The following RIMS2 variants were observed in gnomAD, a reference collection of about 807,000 sequenced individuals.
RIMS2 encodes regulating synaptic membrane exocytosis protein 2.
Under a neutral mutation model 174.4 loss-of-function variants are expected in RIMS2, and 59 were observed. That is an observed-to-expected ratio of 0.34 (90% CI 0.27 to 0.42). The LOEUF is 0.42. Ranked by LOEUF, RIMS2 falls within the 10% of genes least tolerant of loss-of-function variation. The pLI is 1.00. For missense variants in RIMS2, 1,620 were observed against 1,666.3 expected (o/e 0.97, Z 0.48); for synonymous variants, 606 against 572.5 (o/e 1.06, Z -0.84).
intron 3 of RIMS2, among the ~76,000 whole-genome samples, chr8:103,812,295 G>A (rs1039715655): frequency 3.5e-5 from 5 of 142,812 alleles, no homozygotes; most frequent in Admixed American, 2.2e-4. Flanking sequence ...TTCATCCTAA[G>A]TTGAAGCATA....
Position 103,656,957 on chromosome 8 carries a change from A to T in RIMS2, c.177-40129A>T, listed in dbSNP as rs145514621. Among the ~76,000 whole-genome samples, 27 of 152,254 alleles carry T rather than the reference A, an allele frequency of 1.8e-4. No individual in the cohort carries two copies. In the East Asian group the frequency reaches 2.5e-3, roughly 14 times the overall value. ...GTGAAGATCAGAGAAAAGTCCCCTCATGCCTCCAGCTGGGGGAGGGGAAAG... is the reference window on the plus strand; with the variant it reads ...GTGAAGATCAGAGAAAAGTCCCCTCTTGCCTCCAGCTGGGGGAGGGGAAAG... On this transcript the variant is annotated intron_variant, in intron 1 of 23. Coordinates refer to ENST00000504942, the Ensembl canonical transcript of RIMS2.
intron 1 of RIMS2, among the ~76,000 whole-genome samples, chr8:103,560,096 G>T (rs551955102): frequency 6.6e-6 from 1 of 152,184 alleles, no homozygotes; most frequent in South Asian, 2.1e-4. Flanking sequence ...TATCTTCCAA[G>T]TGTTTACGGT....
chr8:103,519,388 G>T (rs1055437399), intron 1 of RIMS2, among the ~76,000 whole-genome samples: 1 of 152,010 alleles, frequency 6.6e-6, no homozygotes, highest in African/African-American at 2.4e-5. Context: ...TTTGCAGCAG[G>T]AATTTATATA....
intron 3 of RIMS2, among the ~76,000 whole-genome samples, chr8:103,877,717 CT>C (rs980146178): frequency 1.0e-4 from 15 of 148,688 alleles, no homozygotes; most frequent in East Asian, 2.0e-4. Context: ...TATTGAGGCT[CT>C]TTTTTTTTGT....
chr8:104,023,656 A>G (rs2096171151), intron 19 of RIMS2, among the ~76,000 whole-genome samples: 1 of 152,194 alleles, frequency 6.6e-6, no homozygotes, highest in East Asian at 1.9e-4. Flanking sequence ...ATGCTGTTAG[A>G]CATCCAAGTG....
At chr8:103,704,421 G>A (rs1344601269) in intron 2 of RIMS2, among the ~76,000 whole-genome samples, 5 of 151,710 alleles carry the variant, frequency 3.3e-5, no homozygotes, top group East Asian at 3.9e-4. Context: ...GCCTCTAGTC[G>A]TCATTGTTGT....
chr8:103,716,721 T>C (rs1285776048), intron 2 of RIMS2, among the ~76,000 whole-genome samples: 1 of 152,182 alleles, frequency 6.6e-6, no homozygotes, highest in Non-Finnish European at 1.5e-5. Context: ...TTAACTGTTA[T>C]AATATTGAAG....
chr8:103,514,038 G>C (rs1827830389), intron 1 of RIMS2, among the ~76,000 whole-genome samples: 1 of 61,134 alleles, frequency 1.6e-5, no homozygotes, highest in African/African-American at 7.9e-5. Flanking sequence ...CCTTTAACTG[G>C]ATTCCTTCTC....
At chr8:103,781,216 C>A (rs1393083424) in intron 3 of RIMS2, among the ~76,000 whole-genome samples, 1 of 152,134 alleles carries the variant, frequency 6.6e-6, no homozygotes, top group Non-Finnish European at 1.5e-5. Flanking sequence ...GGGAAGTATT[C>A]CACACACTTC....
intron 19 of RIMS2, among the ~76,000 whole-genome samples, chr8:104,181,081 AAC>A (rs1468451318): frequency 6.6e-6 from 1 of 151,720 alleles, no homozygotes; most frequent in African/African-American, 2.4e-5. Context: ...ATGTGAGTTA[AAC>A]AGTTTTAATC....
chr8:103,897,937 C>G (rs947225818), intron 4 of RIMS2, among the ~76,000 whole-genome samples: 5 of 151,642 alleles, frequency 3.3e-5, no homozygotes, highest in Non-Finnish European at 7.4e-5. Flanking sequence ...CTTCTGTATT[C>G]TTGGCAATTG....
At chr8:104,182,774 A>G (rs2098947513) in intron 19 of RIMS2, among the ~76,000 whole-genome samples, 1 of 151,670 alleles carries the variant, frequency 6.6e-6, no homozygotes, top group Non-Finnish European at 1.5e-5. Flanking sequence ...TTTAGACTCT[A>G]TCGGTTTTAT....
intron 19 of RIMS2, among the ~76,000 whole-genome samples, chr8:104,119,852 A>G (rs1038246584): frequency 1.3e-5 from 2 of 152,216 alleles, no homozygotes; most frequent in African/African-American, 2.4e-5. Flanking sequence ...AAAGGGACAC[A>G]TCTTGTTGCT....
At chr8:104,052,822 G>A (rs2096808675) in intron 19 of RIMS2, among the ~76,000 whole-genome samples, 3 of 152,002 alleles carry the variant, frequency 2.0e-5, no homozygotes, top group Admixed American at 2.0e-4. Flanking sequence ...GGACATTGAA[G>A]ATATGGAATT....
chr8:104,094,677 G>T (rs2097725454), intron 19 of RIMS2: 1 of 699,564 alleles, frequency 1.4e-6, no homozygotes, highest in East Asian at 2.7e-5. Flanking sequence ...GAAAGAAAAA[G>T]AACAGTGGAA....
chr8:103,924,667 T>C (rs1238478184), intron 10 of RIMS2, among the ~76,000 whole-genome samples: 2 of 151,664 alleles, frequency 1.3e-5, no homozygotes, highest in Non-Finnish European at 3.0e-5. Flanking sequence ...ATTTCTATAG[T>C]ATGTGAGCTG....
chr8:103,843,837 T>C (rs184582075), intron 3 of RIMS2, among the ~76,000 whole-genome samples: 1 of 152,310 alleles, frequency 6.6e-6, no homozygotes, highest in African/African-American at 2.4e-5. Flanking sequence ...TTAAAATAAC[T>C]TTTTTTGGCA....
At chr8:103,999,613 A>G (rs758725584) in intron 17 of RIMS2, among the ~76,000 whole-genome samples, 16 of 151,766 alleles carry the variant, frequency 1.1e-4, no homozygotes, top group Non-Finnish European at 1.8e-4. Flanking sequence ...GGTGACATAC[A>G]TGAATGAGAC....
chr8:103,730,261 G>A (rs1481028168), intron 2 of RIMS2, among the ~76,000 whole-genome samples: 11 of 149,664 alleles, frequency 7.3e-5, no homozygotes, highest in Admixed American at 3.4e-4. Context: ...TCCAGTGTTG[G>A]GTGATTATAT....
Sources: allele counts gnomAD v4.1 joint callset (sites outside exome capture counted in the v4.1 genomes callset), GRCh38; gene constraint gnomAD v4.1.1; transcripts MANE v1.5; gene names NCBI Gene and HGNC (gene_info 2026-07-23, HGNC 2026-07-21).